TENM3: variants seen among roughly 807,000 people sequenced by gnomAD.
TENM3 encodes teneurin transmembrane protein 3, also known as teneurin-3.
A neutral mutation model predicts 255.1 loss-of-function variants in TENM3; 63 were observed. The observed-to-expected ratio is 0.25, with a 90% confidence interval of 0.20 to 0.30. The LOEUF is 0.30. TENM3 is among the 10% of genes least tolerant of loss of function. The pLI is 1.00. For synonymous variants in TENM3, 1,306 were observed against 1,322.3 expected, an observed-to-expected ratio of 0.99 and a Z score of 0.27; for missense variants, 2,929 against 3,461.1, an observed-to-expected ratio of 0.85 and a Z score of 3.86.
intron 3 of TENM3, among the ~76,000 whole-genome samples, chr4:182,501,547 G>A (rs899431587): frequency 6.6e-6 from 1 of 152,044 alleles, no homozygotes. Flanking sequence ...AAATAGCATT[G>A]AAAGGTCCAT....
chr4:182,772,758 G>T (rs1579443319), intron 22 of TENM3, among the ~76,000 whole-genome samples: 1 of 149,336 alleles, frequency 6.7e-6, no homozygotes, highest in Non-Finnish European at 1.5e-5. Flanking sequence ...AAGAGTAAGT[G>T]TGTAAAAAAA....
chr4:181,474,316 TA>T, the TENM3 span, among the ~76,000 whole-genome samples: 5 of 152,104 alleles, frequency 3.3e-5, no homozygotes, highest in African/African-American at 1.2e-4. Flanking sequence ...TAAAGTATGA[TA>T]AAAAATTTTT....
chr4:181,730,495 G>T, the TENM3 span, among the ~76,000 whole-genome samples: 1 of 152,096 alleles, frequency 6.6e-6, no homozygotes, highest in Non-Finnish European at 1.5e-5. Flanking sequence ...GTAACTTTGG[G>T]GTCTAACTTC....
intron 6 of TENM3, among the ~76,000 whole-genome samples, chr4:182,654,702 A>T (rs931798425): frequency 2.1e-4 from 32 of 152,032 alleles, no homozygotes; most frequent in South Asian, 6.2e-4. Context: ...TGTCTAGTAT[A>T]TTGGTGTTCA....
chr4:181,971,268 G>C, the TENM3 span, among the ~76,000 whole-genome samples: 1 of 152,112 alleles, frequency 6.6e-6, no homozygotes, highest in African/African-American at 2.4e-5. Flanking sequence ...GGTCTGTTCT[G>C]TTTGCCCCTT....
At chr4:182,712,486 A>G (rs13140498) in intron 12 of TENM3, among the ~76,000 whole-genome samples, 16,288 of 152,106 alleles carry the variant, frequency 0.11, 1,182 homozygotes, top group South Asian at 0.14. Flanking sequence ...TATTTATTGA[A>G]TAATCCATAA....
chr4:182,113,352 C>T, the TENM3 span, among the ~76,000 whole-genome samples: 4 of 152,020 alleles, frequency 2.6e-5, no homozygotes, highest in South Asian at 2.1e-4. Context: ...AATTGAAATG[C>T]GTCTACAAAG....
the TENM3 span, among the ~76,000 whole-genome samples, chr4:181,486,616 C>T: frequency 6.6e-6 from 1 of 152,166 alleles, no homozygotes; most frequent in South Asian, 2.1e-4. Context: ...TATGTACTTA[C>T]ATTAGATGGG....
At chr4:182,040,490 G>A in the TENM3 span, among the ~76,000 whole-genome samples, 1 of 152,024 alleles carries the variant, frequency 6.6e-6, no homozygotes, top group Non-Finnish European at 1.5e-5. Context: ...AGTTTCCTGG[G>A]AAAATCATGG....
the TENM3 span, among the ~76,000 whole-genome samples, chr4:181,894,801 G>A: frequency 4.6e-5 from 7 of 152,084 alleles, no homozygotes; most frequent in South Asian, 1.2e-3. Flanking sequence ...AAGAATTCAC[G>A]GATGCCACAG....
chr4:181,865,547 C>G, the TENM3 span, among the ~76,000 whole-genome samples: 1 of 152,292 alleles, frequency 6.6e-6, no homozygotes, highest in Non-Finnish European at 1.5e-5. Flanking sequence ...GTACCGTCAC[C>G]CGCATGCCTA....
the TENM3 span, among the ~76,000 whole-genome samples, chr4:181,874,053 G>A: frequency 2.6e-5 from 4 of 152,100 alleles, no homozygotes; most frequent in South Asian, 2.1e-4. Context: ...AAAGTGCTGG[G>A]ATTACAGGCG....
the TENM3 span, among the ~76,000 whole-genome samples, chr4:181,626,960 C>G: frequency 3.3e-5 from 5 of 152,174 alleles, no homozygotes; most frequent in Non-Finnish European, 7.3e-5. Flanking sequence ...TAGAATGAGA[C>G]AGATGGCTGA....
the TENM3 span, among the ~76,000 whole-genome samples, chr4:181,831,610 G>A: frequency 1.3e-5 from 2 of 151,398 alleles, no homozygotes; most frequent in African/African-American, 4.9e-5. Context: ...AAAGATCACT[G>A]ACCTTAATTT....
At chr4:181,951,391 T>C in the TENM3 span, among the ~76,000 whole-genome samples, 1 of 152,186 alleles carries the variant, frequency 6.6e-6, no homozygotes, top group Non-Finnish European at 1.5e-5. Flanking sequence ...AAACAGGAGC[T>C]TTAGCATGAG....
the TENM3 span, among the ~76,000 whole-genome samples, chr4:181,816,067 G>A: frequency 1.3e-5 from 2 of 152,144 alleles, no homozygotes; most frequent in Admixed American, 6.5e-5. Flanking sequence ...AGTTGGCAAT[G>A]CCTGCTAACA....
At chr4:182,637,382 G>A (rs1289933789) in intron 5 of TENM3, among the ~76,000 whole-genome samples, 1 of 152,128 alleles carries the variant, frequency 6.6e-6, no homozygotes, top group Non-Finnish European at 1.5e-5. Flanking sequence ...AAAGCCAGAC[G>A]TGGTGGCAAG....
At chr4:182,227,697 G>A (rs968506835) in intron 1 of TENM3, among the ~76,000 whole-genome samples, 30 of 139,974 alleles carry the variant, frequency 2.1e-4, no homozygotes, top group African/African-American at 8.1e-4. Flanking sequence ...CCTTTTTTCA[G>A]TGGCTTCCGG....
At chr4:182,257,621 A>G (rs1337778980) in intron 1 of TENM3, among the ~76,000 whole-genome samples, 2 of 152,190 alleles carry the variant, frequency 1.3e-5, no homozygotes, top group Non-Finnish European at 2.9e-5. Flanking sequence ...AACTTGCAGA[A>G]ACCTGAGGCA....
Sources: allele counts gnomAD v4.1 joint callset (sites outside exome capture counted in the v4.1 genomes callset), GRCh38; gene constraint gnomAD v4.1.1; transcripts MANE v1.5; gene names NCBI Gene and HGNC (gene_info 2026-07-23, HGNC 2026-07-21).